Variants in ALDH7A1 observed in about 807,000 individuals in gnomAD.
ALDH7A1 encodes the protein alpha-aminoadipic semialdehyde dehydrogenase.
Under a neutral mutation model 79.9 loss-of-function variants are expected in ALDH7A1, and 63 were observed. The ratio of observed to expected loss-of-function variants is 0.79; its 90% confidence interval spans 0.64 to 0.97. The LOEUF (loss-of-function observed/expected upper bound fraction) is 0.97, where lower values mean the gene tolerates loss of function less well. Ranked by LOEUF, ALDH7A1 falls within the 50% of genes least tolerant of loss-of-function variation. ALDH7A1 has a pLI of 0.00. For synonymous variants in ALDH7A1, 240 were observed against 231.2 expected, an observed-to-expected ratio of 1.04 and a Z score of -0.34; for missense variants, 627 against 665.2, an observed-to-expected ratio of 0.94 and a Z score of 0.63.
At chr5:126,586,182 C>A (rs1365196586) in intron 3 of ALDH7A1, 1 of 152,190 alleles carries the variant, frequency 6.6e-6, no homozygotes, top group Admixed American at 6.5e-5. Flanking sequence ...TTTTCATCCA[C>A]AATTTATATG....
chr5:126,557,761 CT>C (rs1489086268), intron 11 of ALDH7A1, among the ~76,000 whole-genome samples: 1 of 151,974 alleles, frequency 6.6e-6, no homozygotes, highest in Non-Finnish European at 1.5e-5. Context: ...CAACTGAAGG[CT>C]TTTTTCATTA....
At chr5:126,589,796 C>T (rs1411564869) in intron 3 of ALDH7A1, among the ~76,000 whole-genome samples, 3 of 150,262 alleles carry the variant, frequency 2.0e-5, no homozygotes, top group East Asian at 4.1e-4. Context: ...CGCCTCTGCT[C>T]GGCTGCCCAC....
At chr5:126,590,842 G>C (rs1469541039) in intron 3 of ALDH7A1, among the ~76,000 whole-genome samples, 2 of 150,644 alleles carry the variant, frequency 1.3e-5, no homozygotes, top group Non-Finnish European at 2.9e-5. Flanking sequence ...CCAAGATTGG[G>C]CCACTGCACT....
At chr5:126,556,463 TG>T (rs1190391129) in intron 11 of ALDH7A1, among the ~76,000 whole-genome samples, 2 of 152,222 alleles carry the variant, frequency 1.3e-5, no homozygotes, top group Non-Finnish European at 2.9e-5. Context: ...AGGCTGGTCT[TG>T]AACTCCTGAC....
At chr5:126,552,628 C>T (rs1487595296) in intron 13 of ALDH7A1, among the ~76,000 whole-genome samples, 4 of 152,090 alleles carry the variant, frequency 2.6e-5, no homozygotes, top group Non-Finnish European at 5.9e-5. Flanking sequence ...AACTTCTGAC[C>T]TCAAGTGATC....
At chr5:126,561,168 A>G (rs759311026) in intron 9 of ALDH7A1, 44 bp from the exon 10 acceptor site, 14 of 1,473,256 alleles carry the variant, frequency 9.5e-6, no homozygotes, top group Non-Finnish European at 1.3e-5. Flanking sequence ...GCCTACTTCC[A>G]TATTTACTGC....
chr5:126,574,580 A>AGG (rs202204928), intron 7 of ALDH7A1, among the ~76,000 whole-genome samples: 3,966 of 151,660 alleles, frequency 0.026, 162 homozygotes, highest in African/African-American at 0.089. Flanking sequence ...CTGTACTCCC[A>AGG]GCTACTCGGG....
In ALDH7A1 at chr5:126,542,588, C is replaced by G. The variant is rs938604120; in HGVS notation, c.*2377G>C. On this transcript the variant is annotated 3_prime_UTR_variant, in exon 18 of 18. Transcript: ENST00000409134. Reference sequence around the variant, plus strand: ...CATGAGGTGGAAGGATAGATTGAGCCCAGGAGTTGGAGGCTGCAGTGAGCC... The same window carrying G: ...CATGAGGTGGAAGGATAGATTGAGCGCAGGAGTTGGAGGCTGCAGTGAGCC... 51 of 152,110 alleles carry G rather than the reference C, an allele frequency of 3.4e-4. No individual in the cohort carries two copies. The highest frequency in any genetic ancestry group is 1.2e-3 in the African/African-American group (51 of 41,374). 9.4% of individuals were successfully genotyped at this position (152,110 alleles called of 1,614,324 possible).
At chr5:126,557,802 G>A (rs1249773037) in intron 11 of ALDH7A1, among the ~76,000 whole-genome samples, 1 of 151,880 alleles carries the variant, frequency 6.6e-6, no homozygotes, top group Non-Finnish European at 1.5e-5. Context: ...TAATAAAAAA[G>A]GCTCAAGTCC....
intron 17 of ALDH7A1, 32 bp from the exon 18 acceptor site, chr5:126,545,051 G>A (rs775294808): frequency 8.0e-6 from 12 of 1,491,398 alleles, no homozygotes; most frequent in South Asian, 1.1e-5. Context: ...ATTAATGACA[G>A]TACATACATA....
At chr5:126,554,237 G>T (rs1409833743) in intron 13 of ALDH7A1, 50 bp downstream of exon 13, 3 of 1,540,942 alleles carry the variant, frequency 1.9e-6, no homozygotes, top group Admixed American at 3.3e-5. Context: ...TGTGTCTCAG[G>T]GAAAAGAAGG....
chr5:126,564,363 G>A (rs1399412915), intron 9 of ALDH7A1: 1 of 382,094 alleles, frequency 2.6e-6, no homozygotes, highest in Non-Finnish European at 4.5e-6. Context: ...GCCCAGGCTG[G>A]TCTTGAACTC....
At chr5:126,571,604 C>G (rs1750779190) in intron 7 of ALDH7A1, among the ~76,000 whole-genome samples, 1 of 152,020 alleles carries the variant, frequency 6.6e-6, no homozygotes, top group African/African-American at 2.4e-5. Context: ...GAGGACACAT[C>G]TGGTTCAAGA....
At chr5:126,583,893 C>G (rs777356625) in intron 4 of ALDH7A1, 39 bp downstream of exon 4, 2 of 1,490,102 alleles carry the variant, frequency 1.3e-6, no homozygotes, top group East Asian at 2.3e-5. Context: ...CCTTATTGTC[C>G]ACTCAAAGAA....
At chr5:126,565,161 A>G (rs1250426867) in intron 9 of ALDH7A1, among the ~76,000 whole-genome samples, 1 of 152,048 alleles carries the variant, frequency 6.6e-6, no homozygotes, top group East Asian at 1.9e-4. Context: ...TCGGGAGGCC[A>G]AGGCGGGCGG....
intron 3 of ALDH7A1, 60 bp downstream of exon 3, chr5:126,592,604 C>A: frequency 6.5e-7 from 1 of 1,533,558 alleles, no homozygotes; most frequent in South Asian, 1.1e-5. Flanking sequence ...TTATGTATCT[C>A]ATTGGTTACA....
At chr5:126,568,174 T>G (rs1750654234) in intron 9 of ALDH7A1, 85 bp downstream of exon 9, 1 of 1,323,644 alleles carries the variant, frequency 7.6e-7, no homozygotes, top group African/African-American at 1.4e-5. Context: ...ATGGAAAAGG[T>G]TGAGGGGAAA....
rs751879860 is a variant in ALDH7A1, at chr5:126,555,981, T to C, written c.1043A>G (p.Asn348Ser). ...CTGTGCATAGGCCTTTTTAAGTCTG[T>C]TTACAACCTCATCATGGATGCTTTC... Reference protein sequence around the residue: ...IHESIHDEVVNRLKKAYAQIR... With the variant: ...IHESIHDEVVSRLKKAYAQIR... Residue 348 changes from asparagine to serine, a missense_variant, in exon 12 of 18, where the codon AAC becomes AGC. By Grantham distance (46) the Asn-to-Ser change is conservative (BLOSUM62 1). Transcript: ENST00000409134. 1 of 1,613,558 alleles carries C rather than the reference T, an allele frequency of 6.2e-7. No homozygotes were observed. The highest frequency in any genetic ancestry group is 8.5e-7 in the Non-Finnish European group (1 of 1,179,678).
chr5:126,556,239 C>CTTTTTT lies in ALDH7A1; in HGVS notation c.1009-230_1009-225dup, dbSNP rs35367836. On this transcript the variant is annotated intron_variant, in intron 11 of 17. Coordinates refer to ENST00000409134, the MANE Select transcript of ALDH7A1 (RefSeq NM_001182.5). ...AATAGAATAAAATCATAAGCCATGT[C>CTTTTTT]TTTTTTTTTTTTTTTTTTTTTGAGA... Among the ~76,000 whole-genome samples, 290 of 97,924 alleles carry CTTTTTT rather than the reference C, an allele frequency of 3.0e-3. 5 individuals carry two copies. The highest frequency in any genetic ancestry group is 4.0e-3 in the Non-Finnish European group (205 of 51,742). 64.2% of individuals were successfully genotyped at this position (97,924 alleles called of 152,430 possible).
Sources: gnomAD v4.1 joint callset for allele counts (sites outside exome capture counted in the v4.1 genomes callset) on GRCh38, gnomAD v4.1.1 for gene constraint, MANE v1.5 for transcripts, NCBI Gene and HGNC (gene_info 2026-07-23, HGNC 2026-07-21) for gene names.